Variants in RALY observed in about 807,000 individuals in gnomAD.
The protein encoded by RALY is RALY heterogeneous nuclear ribonucleoprotein.
In RALY, 15 loss-of-function variants were observed where a neutral mutation model predicts 30.7. The observed-to-expected ratio is 0.49, with a 90% CI of 0.33 to 0.75. The LOEUF (loss-of-function observed/expected upper bound fraction) is 0.75. Ranked by LOEUF, RALY falls within the 30% of genes least tolerant of loss-of-function variation. The pLI, the probability that RALY is intolerant of heterozygous loss-of-function variation, is 0.02. For synonymous variants in RALY, 177 were observed against 170.8 expected, an observed-to-expected ratio of 1.04 and a Z score of -0.28; for missense variants, 339 against 414.3, an observed-to-expected ratio of 0.82 and a Z score of 1.58.
intron 1 of RALY, among the ~76,000 whole-genome samples, chr20:34,021,904 T>C (rs1192666086): frequency 6.6e-6 from 1 of 151,114 alleles, no homozygotes; most frequent in Non-Finnish European, 1.5e-5. Context: ...TTCTTTTAAG[T>C]TTTTTTATTA....
At chr20:34,037,829 A>G (rs2032556275) in intron 2 of RALY, among the ~76,000 whole-genome samples, 1 of 152,212 alleles carries the variant, frequency 6.6e-6, no homozygotes, top group Admixed American at 6.5e-5. Flanking sequence ...ATGTTTGACC[A>G]GAGTGGACCT....
Position 34,072,226 on chromosome 20 carries a change from G to A in RALY, c.152G>A (p.Cys51Tyr). 1 of 1,614,242 alleles carries A rather than the reference G, an allele frequency of 6.2e-7. No individual in the cohort carries two copies. Among genetic ancestry groups the A allele is most frequent in the Non-Finnish European group, 8.5e-7 (1 of 1,180,048 alleles). The change falls in exon 3 of 10, where the codon TGT becomes TAT. Residue 51 changes from cysteine to tyrosine, a missense_variant. Transcript: ENST00000246194. Reference protein sequence around the residue: ...IFSKYGRVAGCSVHKGYAFVQ... With the variant: ...IFSKYGRVAGYSVHKGYAFVQ... Reference sequence around the variant, plus strand: ...TCTAAGTATGGCCGTGTGGCCGGCTGTTCTGTGCACAAGGGCTATGCCTTT... The same window carrying A: ...TCTAAGTATGGCCGTGTGGCCGGCTATTCTGTGCACAAGGGCTATGCCTTT...
In RALY at chr20:34,028,674, A is replaced by G. The variant is rs566016190; in HGVS notation, c.-92-2848A>G. ...AGCCTAGATCGTGTCACTGCACTCC[A>G]GCATGGGTGACAGAGCGAGAGACTC... On this transcript the variant is annotated intron_variant, in intron 1 of 9. Coordinates refer to ENST00000246194, the MANE Select transcript of RALY (RefSeq NM_016732.3). Among the ~76,000 whole-genome samples, 12 of 133,908 alleles carry G rather than the reference A, an allele frequency of 9.0e-5. 1 individual carries two copies. In the South Asian group the frequency reaches 3.1e-3, roughly 34 times the overall value. 87.8% of individuals were successfully genotyped at this position (133,908 alleles called of 152,430 possible).
chr20:34,058,039 C>T (rs1349955942), intron 2 of RALY, among the ~76,000 whole-genome samples: 2 of 151,798 alleles, frequency 1.3e-5, no homozygotes, highest in East Asian at 1.9e-4. Context: ...TTCTTTTAAC[C>T]AGTTGCAGTG....
chr20:34,044,410 T>G (rs2032806383), intron 2 of RALY, among the ~76,000 whole-genome samples: 1 of 152,092 alleles, frequency 6.6e-6, no homozygotes, highest in South Asian at 2.1e-4. Context: ...CACTGCAACC[T>G]CCTAGGTTCA....
chr20:34,025,738 T>C (rs1487617894), intron 1 of RALY, among the ~76,000 whole-genome samples: 1 of 152,024 alleles, frequency 6.6e-6, no homozygotes, highest in African/African-American at 2.4e-5. Context: ...TTTCCTCTGT[T>C]AAAATCGTCT....
intron 2 of RALY, among the ~76,000 whole-genome samples, chr20:34,036,669 C>A (rs994458660): frequency 1.3e-5 from 2 of 152,184 alleles, no homozygotes; most frequent in Admixed American, 1.3e-4. Context: ...CTGGGCTTGT[C>A]TTTGTTGGAA....
chr20:34,014,215 G>A (rs960579256), intron 1 of RALY, among the ~76,000 whole-genome samples: 2 of 152,084 alleles, frequency 1.3e-5, no homozygotes, highest in African/African-American at 4.8e-5. Flanking sequence ...AATACCCCCA[G>A]CCTTTTGAGA....
At chr20:34,046,813 C>CTTTTTTTTTTTTTTTTTTTTT in intron 2 of RALY, among the ~76,000 whole-genome samples, 1 of 72,764 alleles carries the variant, frequency 1.4e-5, no homozygotes, top group Non-Finnish European at 2.5e-5. Context: ...GACCTCCACT[C>CTTTTTTTTTTTTTTTTTTTTT]TTTTTTTTTT....
intron 5 of RALY, 152 bp downstream of exon 5, chr20:34,074,018 C>A: frequency 1.3e-6 from 1 of 787,020 alleles, no homozygotes; most frequent in Non-Finnish European, 2.0e-6. Flanking sequence ...AGAGCTGAGA[C>A]TGGGGTCCTG....
intron 1 of RALY, among the ~76,000 whole-genome samples, chr20:33,997,917 GC>G (rs1401175760): frequency 6.6e-6 from 1 of 152,052 alleles, no homozygotes; most frequent in African/African-American, 2.4e-5. Flanking sequence ...AAATCTGATG[GC>G]CCCAACATTG....
At chr20:34,027,662 C>G (rs1440449929) in intron 1 of RALY, among the ~76,000 whole-genome samples, 1 of 152,206 alleles carries the variant, frequency 6.6e-6, no homozygotes, top group African/African-American at 2.4e-5. Context: ...TGTGCATCCT[C>G]CATAACCCCT....
intron 1 of RALY, among the ~76,000 whole-genome samples, chr20:34,012,047 CAG>C (rs1568653856): frequency 6.8e-6 from 1 of 146,482 alleles, no homozygotes; most frequent in Non-Finnish European, 1.5e-5. Flanking sequence ...GCCTGGGCGA[CAG>C]AGTGAGACCC....
rs1460420027 is a variant in RALY, at chr20:34,080,373, C to T, written c.*468C>T. The T allele has an allele frequency of 6.6e-6, 1 of 152,234 alleles. No homozygotes were observed. Among genetic ancestry groups the T allele is most frequent in the African/African-American group, 2.4e-5 (1 of 41,396 alleles). 9.4% of individuals were successfully genotyped at this position (152,234 alleles called of 1,614,324 possible). A position where few individuals can be genotyped will look rare whatever the true frequency, so the allele number is the denominator to read the frequency against. On this transcript the variant is annotated 3_prime_UTR_variant, in exon 10 of 10. Coordinates refer to ENST00000246194, the MANE Select transcript of RALY (RefSeq NM_016732.3). ...TACTGATCCATCTGGACCTTAGTGT[C>T]CTCAGTGGTGATTAAAATGGCCAGT...
In RALY at chr20:34,078,378, C is replaced by G. The variant is rs910058430; in HGVS notation, c.877-127C>G. ...CCATAGTCATTCCCCTTGGCTGTTC[C>G]TGCGTCTTCTGACTGTGTCCTCTAG... On this transcript the variant is annotated intron_variant, in intron 8 of 9. Coordinates refer to ENST00000246194, the MANE Select transcript of RALY (RefSeq NM_016732.3). The G allele has an allele frequency of 3.9e-6, 3 of 772,972 alleles. No homozygotes were observed. The African/African-American group carries it at 5.4e-5, about 14-fold the overall frequency. The allele number at this position is 772,972 out of a possible 1,614,324, so 47.9% of individuals were successfully genotyped here. A position where few individuals can be genotyped will look rare whatever the true frequency, so the allele number is the denominator to read the frequency against.
intron 1 of RALY, among the ~76,000 whole-genome samples, chr20:34,024,193 G>C (rs571363719): frequency 6.6e-6 from 1 of 152,252 alleles, no homozygotes; most frequent in East Asian, 1.9e-4. Flanking sequence ...GGGCATGAAA[G>C]CCATTTTCTA....
chr20:34,077,357 C>A, intron 8 of RALY, 112 bp downstream of exon 8: 1 of 1,550,424 alleles, frequency 6.4e-7, no homozygotes, highest in Non-Finnish European at 8.7e-7. Context: ...ACTTCCTGTT[C>A]TCTCCTTCCC....
At chr20:34,037,171 T>C (rs967107645) in intron 2 of RALY, among the ~76,000 whole-genome samples, 13 of 152,132 alleles carry the variant, frequency 8.5e-5, no homozygotes, top group Non-Finnish European at 1.6e-4. Context: ...TCAGAAACAA[T>C]AGGGAAGACA....
intron 2 of RALY, among the ~76,000 whole-genome samples, chr20:34,067,446 G>A (rs1001350727): frequency 1.3e-5 from 2 of 152,124 alleles, no homozygotes; most frequent in Non-Finnish European, 2.9e-5. Context: ...GATTATGGGC[G>A]TGAGCCACTG....
Sources: gnomAD v4.1 joint callset for allele counts (sites outside exome capture counted in the v4.1 genomes callset) on GRCh38, gnomAD v4.1.1 for gene constraint, MANE v1.5 for transcripts, NCBI Gene and HGNC (gene_info 2026-07-23, HGNC 2026-07-21) for gene names.